SOX6: variants seen among roughly 807,000 people sequenced by gnomAD.
SOX6 encodes SRY-box transcription factor 6, also known as transcription factor SOX-6.
In SOX6, 11 loss-of-function variants were observed where a neutral mutation model predicts 97.8. The ratio of observed to expected loss-of-function variants is 0.11; its 90% CI spans 0.07 to 0.19. SOX6 has a LOEUF of 0.19. Ranked by LOEUF, SOX6 falls within the 10% of genes least tolerant of loss-of-function variation. SOX6 has a pLI of 1.00. For synonymous variants in SOX6, 360 were observed against 371.4 expected (o/e 0.97, Z 0.35); for missense variants, 810 against 1,039.5 (o/e 0.78, Z 3.04).
chr11:16,023,363 C>A lies in SOX6; in HGVS notation c.1624-8313G>T, dbSNP rs533443086. On this transcript the variant is annotated intron_variant, in intron 12 of 15. Transcript: ENST00000683767. ...CATGATGTTGCACATACTAGGCTCT[C>A]TGGTTGTTAATCTTGGTAATCTTGG... The A allele has an allele frequency of 3.9e-5, 6 of 152,256 alleles. No individual in the cohort carries two copies. The East Asian group carries it at 1.2e-3, about 29-fold the overall frequency. The allele number at this position is 152,256 out of a possible 1,614,324, so 9.4% of individuals were successfully genotyped here. A position where few individuals can be genotyped will look rare whatever the true frequency, so the allele number is the denominator to read the frequency against.
At chr11:16,344,551 T>A (rs891778184) in intron 1 of SOX6, among the ~76,000 whole-genome samples, 3 of 151,952 alleles carry the variant, frequency 2.0e-5, no homozygotes, top group African/African-American at 7.2e-5. Context: ...TAGAAACTCA[T>A]AAATCAAATA....
intron 4 of SOX6, among the ~76,000 whole-genome samples, chr11:16,581,606 T>A (rs1156937645): frequency 6.6e-6 from 1 of 152,152 alleles, no homozygotes; most frequent in African/African-American, 2.4e-5. Context: ...TGACTTAGTG[T>A]AAAATAAAAT....
chr11:16,733,895 C>T (rs1365133864), intron 2 of SOX6, among the ~76,000 whole-genome samples: 2 of 151,616 alleles, frequency 1.3e-5, no homozygotes, highest in Non-Finnish European at 2.9e-5. Flanking sequence ...GGCATGGTGG[C>T]AGGCACCTGT....
chr11:16,559,330 C>T (rs1245516722), intron 4 of SOX6, among the ~76,000 whole-genome samples: 2 of 152,084 alleles, frequency 1.3e-5, no homozygotes, highest in Admixed American at 1.3e-4. Context: ...TGTTCACATA[C>T]TGTCAGCATC....
chr11:16,500,632 T>G (rs1375453244), intron 4 of SOX6, among the ~76,000 whole-genome samples: 4 of 152,196 alleles, frequency 2.6e-5, no homozygotes, highest in Non-Finnish European at 2.9e-5. Context: ...AAAATCAATG[T>G]GCAAAAATCA....
chr11:16,554,476 A>C (rs1259573918), intron 4 of SOX6, among the ~76,000 whole-genome samples: 1 of 152,100 alleles, frequency 6.6e-6, no homozygotes, highest in Non-Finnish European at 1.5e-5. Context: ...CATACTGGGT[A>C]AGAACAGTTA....
At chr11:16,323,377 A>C (rs975851838) in intron 2 of SOX6, among the ~76,000 whole-genome samples, 1 of 152,182 alleles carries the variant, frequency 6.6e-6, no homozygotes, top group Non-Finnish European at 1.5e-5. Flanking sequence ...AAAACAAAAA[A>C]CATTAAAACG....
rs139532940 is a variant in SOX6 at position 16,274,364 on chromosome 11, C to G, written c.446-39693G>C. Among the ~76,000 whole-genome samples the G allele has an allele frequency of 6.4e-3, 978 of 152,078 alleles. 3 individuals carry two copies. The highest frequency in any genetic ancestry group is 0.024 in the Middle Eastern group (7 of 294). ...TACAAAAGCCTTTCCATTTGTCCAC[C>G]CATCCATATGCCCACTCACTTATCC... On this transcript the variant is annotated intron_variant, in intron 3 of 15. Transcript: ENST00000683767.
At chr11:16,641,116 T>C (rs1848905624) in intron 3 of SOX6, among the ~76,000 whole-genome samples, 1 of 152,266 alleles carries the variant, frequency 6.6e-6, no homozygotes, top group Admixed American at 6.5e-5. Context: ...TGTGTCTTTG[T>C]TCTTGTTGGT....
chr11:16,612,621 G>A (rs1401395500), intron 3 of SOX6, among the ~76,000 whole-genome samples: 1 of 152,086 alleles, frequency 6.6e-6, no homozygotes, highest in Non-Finnish European at 1.5e-5. Context: ...TGAAGAAAAG[G>A]AGAAAAAGCC....
intron 6 of SOX6, among the ~76,000 whole-genome samples, chr11:16,164,576 C>A (rs547372021): frequency 3.3e-5 from 5 of 152,234 alleles, no homozygotes; most frequent in Non-Finnish European, 5.9e-5. Flanking sequence ...GTAATCCCAG[C>A]AATTTGGGAG....
At chr11:16,126,441 A>G (rs1849615970) in intron 6 of SOX6, among the ~76,000 whole-genome samples, 1 of 152,096 alleles carries the variant, frequency 6.6e-6, no homozygotes, top group Non-Finnish European at 1.5e-5. Context: ...ATCAGCCAAT[A>G]ACAATAGGTC....
intron 6 of SOX6, among the ~76,000 whole-genome samples, chr11:16,154,523 CTTT>C (rs1850546973): frequency 6.6e-6 from 1 of 152,040 alleles, no homozygotes; most frequent in Admixed American, 6.6e-5. Context: ...CCCATTTTGC[CTTT>C]TAAGTGACTC....
chr11:16,418,269 A>T (rs769831429), intron 1 of SOX6, among the ~76,000 whole-genome samples: 46 of 152,238 alleles, frequency 3.0e-4, no homozygotes, highest in Non-Finnish European at 6.0e-4. Context: ...CTAATTTTTT[A>T]AAAGTGATAT....
intron 3 of SOX6, among the ~76,000 whole-genome samples, chr11:16,282,082 G>A (rs1221715235): frequency 2.7e-5 from 4 of 149,104 alleles, no homozygotes; most frequent in Non-Finnish European, 6.0e-5. Flanking sequence ...CTAGATGCAA[G>A]AAAAAAAATT....
At chr11:16,095,692 A>G (rs1049481263) in intron 9 of SOX6, among the ~76,000 whole-genome samples, 1 of 151,870 alleles carries the variant, frequency 6.6e-6, no homozygotes, top group African/African-American at 2.4e-5. Context: ...AACACTATGC[A>G]TAAGAAAATA....
chr11:16,106,798 T>C (rs533924242), intron 7 of SOX6, among the ~76,000 whole-genome samples: 2 of 152,100 alleles, frequency 1.3e-5, no homozygotes, highest in South Asian at 4.1e-4. Context: ...TGAAGAATGC[T>C]AAAAGACAAA....
chr11:15,994,863 C>T (rs1241064017), intron 13 of SOX6, among the ~76,000 whole-genome samples: 1 of 151,928 alleles, frequency 6.6e-6, no homozygotes, highest in Non-Finnish European at 1.5e-5. Flanking sequence ...TGAAAAAAAC[C>T]CATAGATGTT....
intron 9 of SOX6, among the ~76,000 whole-genome samples, chr11:16,065,877 C>T (rs2133935558): frequency 6.6e-6 from 1 of 152,150 alleles, no homozygotes; most frequent in African/African-American, 2.4e-5. Flanking sequence ...AGTAATATCC[C>T]ACAAGAACAG....
Sources: allele counts gnomAD v4.1 joint callset (sites outside exome capture counted in the v4.1 genomes callset), GRCh38; gene constraint gnomAD v4.1.1; transcripts MANE v1.5; gene names NCBI Gene and HGNC (gene_info 2026-07-23, HGNC 2026-07-21).